Variants in KCNH8 observed in about 807,000 individuals in gnomAD.
KCNH8 encodes the protein voltage-gated delayed rectifier potassium channel KCNH8.
A neutral mutation model predicts 103.6 loss-of-function variants in KCNH8; 70 were observed. The ratio of observed to expected loss-of-function variants is 0.68; its 90% CI spans 0.56 to 0.82. The LOEUF is 0.82. KCNH8 is among the 40% of genes least tolerant of loss of function. The probability of loss-of-function intolerance (pLI) is 0.00; values close to 1 mark genes in which losing one functional copy is unlikely to be tolerated. For missense variants in KCNH8, 1,217 were observed against 1,329.9 expected (o/e 0.92, Z 1.32); for synonymous variants, 498 against 489.4 (o/e 1.02, Z -0.23).
intron 3 of KCNH8, among the ~76,000 whole-genome samples, chr3:19,307,796 A>T (rs1295906611): frequency 1.3e-5 from 2 of 151,984 alleles, no homozygotes; most frequent in Non-Finnish European, 2.9e-5. Context: ...ATAAGCCAGA[A>T]ATATAAACAG....
At chr3:19,212,381 G>A (rs1042874955) in intron 1 of KCNH8, among the ~76,000 whole-genome samples, 2 of 152,268 alleles carry the variant, frequency 1.3e-5, no homozygotes, top group East Asian at 1.9e-4. Flanking sequence ...AAGCCCCAAC[G>A]TGAATACCAG....
intron 1 of KCNH8, among the ~76,000 whole-genome samples, chr3:19,204,451 T>C (rs2063694274): frequency 1.3e-5 from 2 of 151,992 alleles, no homozygotes; most frequent in South Asian, 4.1e-4. Context: ...TGTCTGTGTG[T>C]GTGTGTTCTG....
chr3:19,395,357 AAAAG>A (rs2066499903), intron 7 of KCNH8, 46 bp downstream of exon 7: 2 of 1,381,578 alleles, frequency 1.4e-6, no homozygotes, highest in Admixed American at 3.6e-5. Context: ...AATTTAAAAA[AAAAG>A]AGTATCAAGA....
At chr3:19,333,068 T>C (rs1162691893) in intron 3 of KCNH8, among the ~76,000 whole-genome samples, 3 of 152,208 alleles carry the variant, frequency 2.0e-5, no homozygotes, top group African/African-American at 7.2e-5. Flanking sequence ...ATGGTGTCTA[T>C]TGATATCTCA....
chr3:19,498,430 G>A (rs2068494300), intron 11 of KCNH8, among the ~76,000 whole-genome samples: 1 of 152,100 alleles, frequency 6.6e-6, no homozygotes, highest in Admixed American at 6.6e-5. Context: ...CTCTTGTAAG[G>A]CAGGCATGGT....
chr3:19,235,178 A>G (rs2064047844), intron 1 of KCNH8, among the ~76,000 whole-genome samples: 1 of 152,210 alleles, frequency 6.6e-6, no homozygotes, highest in African/African-American at 2.4e-5. Context: ...TTAAAGTCAC[A>G]GCTTCCAAAA....
intron 5 of KCNH8, among the ~76,000 whole-genome samples, chr3:19,364,276 T>C (rs1030956700): frequency 6.6e-5 from 10 of 152,076 alleles, no homozygotes; most frequent in Non-Finnish European, 1.5e-4. Flanking sequence ...GGAGACTCCT[T>C]CCAGTTATTC....
intron 2 of KCNH8, among the ~76,000 whole-genome samples, chr3:19,262,672 A>G (rs1195052281): frequency 1.3e-5 from 2 of 152,036 alleles, no homozygotes; most frequent in Non-Finnish European, 2.9e-5. Context: ...GTACTTTTAA[A>G]TAGAATGTGT....
chr3:19,519,064 TGA>T (rs2068926426), intron 15 of KCNH8, among the ~76,000 whole-genome samples: 1 of 151,996 alleles, frequency 6.6e-6, no homozygotes, highest in Non-Finnish European at 1.5e-5. Context: ...TGGAGACCTC[TGA>T]GAGACTATGT....
At chr3:19,276,616 C>T (rs568371356) in intron 2 of KCNH8, among the ~76,000 whole-genome samples, 38 of 152,044 alleles carry the variant, frequency 2.5e-4, no homozygotes, top group Non-Finnish European at 4.7e-4. Flanking sequence ...CTTATACCTG[C>T]ACCTCCTTGT....
chr3:19,452,777 G>A (rs566895260), intron 10 of KCNH8, among the ~76,000 whole-genome samples: 82 of 152,256 alleles, frequency 5.4e-4, no homozygotes, highest in Non-Finnish European at 6.5e-4. Flanking sequence ...AGAGACAGAT[G>A]GTGAAGGTAT....
At position 19,156,981 on chromosome 3, in the gene KCNH8, T is replaced by TA. The variant is rs2063186912; in HGVS notation, c.76+8186_76+8187insA. The stretch of plus-strand genomic sequence containing the variant: ...GTCTATAAAGCTTTTTTTTTTTTTT[T>TA]TAAAAAAAAGGTTTTCTTTTGTTCT... On this transcript the variant is annotated intron_variant, in intron 1 of 15. Coordinates refer to ENST00000328405, the MANE Select transcript of KCNH8 (RefSeq NM_144633.3). 4.0e-5 allele frequency among the ~76,000 whole-genome samples: 6 copies of TA among 150,844 alleles called. No individual in the cohort carries two copies. The South Asian group carries it at 8.3e-4, about 21-fold the overall frequency.
intron 3 of KCNH8, among the ~76,000 whole-genome samples, chr3:19,288,779 A>G (rs1340572897): frequency 1.3e-5 from 2 of 152,158 alleles, no homozygotes; most frequent in Non-Finnish European, 2.9e-5. Flanking sequence ...TGGTATTTCT[A>G]GTTCTAGATC....
intron 3 of KCNH8, among the ~76,000 whole-genome samples, chr3:19,294,233 GT>G (rs1204922263): frequency 6.6e-6 from 1 of 152,058 alleles, no homozygotes; most frequent in Non-Finnish European, 1.5e-5. Flanking sequence ...GAAGTTATTT[GT>G]TATAAAAAAT....
intron 7 of KCNH8, among the ~76,000 whole-genome samples, chr3:19,419,195 G>GTT (rs1559318835): frequency 2.1e-4 from 27 of 128,724 alleles, no homozygotes; most frequent in African/African-American, 7.0e-4. Flanking sequence ...AATGGTTTTG[G>GTT]TTTTTTTTTT....
intron 1 of KCNH8, among the ~76,000 whole-genome samples, chr3:19,209,014 C>A (rs567013871): frequency 8.0e-4 from 122 of 151,938 alleles, no homozygotes; most frequent in African/African-American, 2.7e-3. Context: ...ATATTTATGT[C>A]TATATCTATA....
intron 11 of KCNH8, among the ~76,000 whole-genome samples, chr3:19,467,939 ACCCACCTCACTCCCT>A (rs2067776763): frequency 6.6e-6 from 1 of 151,584 alleles, no homozygotes; most frequent in African/African-American, 2.4e-5. Flanking sequence ...GGCAGGCTCC[ACCCACCTCACTCCCT>A]CCCTCCCCTC....
intron 2 of KCNH8, among the ~76,000 whole-genome samples, chr3:19,257,435 A>G (rs2064360672): frequency 6.6e-6 from 1 of 152,018 alleles, no homozygotes; most frequent in Non-Finnish European, 1.5e-5. Context: ...CTGAGATGTC[A>G]TGTCCTATTT....
chr3:19,357,921 G>T (rs915684890), intron 5 of KCNH8, among the ~76,000 whole-genome samples: 6 of 151,650 alleles, frequency 4.0e-5, no homozygotes, highest in African/African-American at 1.5e-4. Flanking sequence ...GTCCAAAAGG[G>T]CACTTTAGGA....
Sources: gnomAD v4.1 joint callset for allele counts (sites outside exome capture counted in the v4.1 genomes callset) on GRCh38, gnomAD v4.1.1 for gene constraint, MANE v1.5 for transcripts, NCBI Gene and HGNC (gene_info 2026-07-23, HGNC 2026-07-21) for gene names.